The following NID2 variants were observed in gnomAD, a reference collection of about 807,000 sequenced individuals.
NID2 encodes nidogen 2.
NID2 carries 83 observed loss-of-function variants against 145.4 expected under a neutral mutation model. The ratio of observed to expected loss-of-function variants is 0.57; its 90% CI spans 0.48 to 0.69. The LOEUF (loss-of-function observed/expected upper bound fraction) is 0.69. Among genes scored for constraint, NID2 ranks in the 30% least tolerant of loss-of-function variants. The probability of loss-of-function intolerance (pLI) is 0.00; values close to 1 mark genes in which losing one functional copy is unlikely to be tolerated. For missense variants in NID2, 1,807 were observed against 1,765.7 expected (o/e 1.02, Z -0.42); for synonymous variants, 739 against 701.3 (o/e 1.05, Z -0.85).
At position 52,067,899 on chromosome 14, in the gene NID2, C is replaced by A. The variant is rs374206051; in HGVS notation, c.493G>T (p.Ala165Ser). The change falls in exon 2 of 22, where the codon GCT becomes TCT. Residue 165 changes from alanine to serine, a missense_variant. Coordinates refer to ENST00000216286, the MANE Select transcript of NID2 (RefSeq NM_007361.4). Reference sequence around the variant, plus strand: ...GCCCCGCGCTTGACCTCCTCGTAAGCGCCTACCTGCTCCCAGGTGGCCAGG... The same window carrying A: ...GCCCCGCGCTTGACCTCCTCGTAAGAGCCTACCTGCTCCCAGGTGGCCAGG... ...AFLATWEQVG[A>S]YEEVKRGALP... 4 of 1,612,878 alleles carry A rather than the reference C, an allele frequency of 2.5e-6. No individual in the cohort carries two copies. The highest frequency in any genetic ancestry group is 3.4e-6 in the Non-Finnish European group (4 of 1,179,930).
At chr14:52,065,089 C>T (rs1893141334) in intron 2 of NID2, among the ~76,000 whole-genome samples, 1 of 140,720 alleles carries the variant, frequency 7.1e-6, no homozygotes, top group African/African-American at 2.8e-5. Flanking sequence ...TATTTGTTCA[C>T]ATTTTTTTTT....
At chr14:52,030,829 T>A (rs963155379) in intron 9 of NID2, among the ~76,000 whole-genome samples, 3 of 152,132 alleles carry the variant, frequency 2.0e-5, no homozygotes. Flanking sequence ...CCAGCCTAGG[T>A]GACAGAACAG....
chr14:52,055,930 C>CTTGTGTGTGT (rs1555365950), intron 3 of NID2, among the ~76,000 whole-genome samples: 47,704 of 148,648 alleles, frequency 0.32, 8,247 homozygotes, highest in East Asian at 0.52. Context: ...ATGTCTTTCT[C>CTTGTGTGTGT]TTGTGTGTGT....
At chr14:52,063,390 A>G (rs889287257) in intron 2 of NID2, among the ~76,000 whole-genome samples, 10 of 152,198 alleles carry the variant, frequency 6.6e-5, no homozygotes, top group African/African-American at 2.4e-4. Flanking sequence ...TATCAGAAAG[A>G]GAGAAAAGCC....
At chr14:52,025,665 T>C (rs1051271469) in intron 12 of NID2, among the ~76,000 whole-genome samples, 1 of 152,158 alleles carries the variant, frequency 6.6e-6, no homozygotes, top group African/African-American at 2.4e-5. Context: ...GGACATCACA[T>C]GGTGAGGGGG....
intron 6 of NID2, among the ~76,000 whole-genome samples, 183 bp from the exon 7 acceptor site, chr14:52,042,533 C>T (rs1490373553): frequency 1.9e-5 from 1 of 51,790 alleles, no homozygotes; most frequent in Admixed American, 1.8e-4. Context: ...TTTCTCCCCT[C>T]CTCCTTCTAC....
At chr14:52,041,307 T>G (rs1459790242) in intron 7 of NID2, among the ~76,000 whole-genome samples, 6 of 152,176 alleles carry the variant, frequency 3.9e-5, no homozygotes, top group African/African-American at 1.4e-4. Flanking sequence ...AAATACAAAT[T>G]TATCCAGGTG....
intron 3 of NID2, among the ~76,000 whole-genome samples, chr14:52,058,819 CCT>C (rs1892935643): frequency 6.6e-6 from 1 of 151,876 alleles, no homozygotes; most frequent in Non-Finnish European, 1.5e-5. Context: ...GCCATTGTGA[CCT>C]CTCTATAATA....
chr14:52,014,785 C>T (rs531129051), intron 15 of NID2, among the ~76,000 whole-genome samples: 1 of 152,026 alleles, frequency 6.6e-6, no homozygotes, highest in African/African-American at 2.4e-5. Flanking sequence ...ACACGTGTCC[C>T]CTGTCACCCT....
At chr14:52,019,419 T>C in intron 13 of NID2, 125 bp from the exon 14 acceptor site, 1 of 668,706 alleles carries the variant, frequency 1.5e-6, no homozygotes. Flanking sequence ...ATTCTTATTT[T>C]ATAATACCTT....
At chr14:52,058,398 G>T (rs893302472) in intron 3 of NID2, among the ~76,000 whole-genome samples, 1 of 152,150 alleles carries the variant, frequency 6.6e-6, no homozygotes, top group Non-Finnish European at 1.5e-5. Flanking sequence ...TGCATTGCTT[G>T]TACTTTATTA....
At position 52,040,799 on chromosome 14, in the gene NID2, C is replaced by A. The variant is rs200315854; in HGVS notation, c.1878G>T (p.Thr626=). 1.9e-5 allele frequency: 30 copies of A among 1,614,014 alleles called. No individual in the cohort carries two copies. The Admixed American group carries it at 2.2e-4, about 12-fold the overall frequency. ...CCTCAGCAGTTTGAGTGATACGAAC[C>A]GTCTCCTCTCCCGGGTAGAATGTAA... ...MEVTFYPGEE[T]VRITQTAEGL... The change falls in exon 8 of 22, where the codon ACG becomes ACT. Residue 626 remains threonine, a synonymous_variant. Coordinates refer to ENST00000216286, the MANE Select transcript of NID2 (RefSeq NM_007361.4).
chr14:52,061,813 A>T (rs1649119343), intron 2 of NID2, among the ~76,000 whole-genome samples: 1 of 152,208 alleles, frequency 6.6e-6, no homozygotes, highest in Non-Finnish European at 1.5e-5. Context: ...ACAGTGCTTG[A>T]TTCTCAAAAA....
At chr14:52,038,585 G>A (rs1398863981) in intron 9 of NID2, among the ~76,000 whole-genome samples, 162 bp downstream of exon 9, 1 of 151,998 alleles carries the variant, frequency 6.6e-6, no homozygotes, top group African/African-American at 2.4e-5. Flanking sequence ...ACTCTTTTCT[G>A]CCTCTGTTTC....
chr14:52,068,520 C>T (rs550786432), intron 1 of NID2, among the ~76,000 whole-genome samples: 2 of 152,360 alleles, frequency 1.3e-5, no homozygotes, highest in East Asian at 1.9e-4. Context: ...GCCCTAGCAA[C>T]GCCACCTTTT....
chr14:52,029,876 C>T (rs1035417127), intron 9 of NID2, among the ~76,000 whole-genome samples, 186 bp from the exon 10 acceptor site: 8 of 151,284 alleles, frequency 5.3e-5, no homozygotes, highest in Non-Finnish European at 8.9e-5. Context: ...TCCAGCATGG[C>T]TTCCTATTGC....
intron 12 of NID2, among the ~76,000 whole-genome samples, chr14:52,020,429 A>G (rs1410139690): frequency 6.6e-6 from 1 of 152,200 alleles, no homozygotes; most frequent in African/African-American, 2.4e-5. Context: ...TCAAATGGGT[A>G]GTCGCTCACA....
At chr14:52,014,700 G>A (rs1891154119) in intron 15 of NID2, among the ~76,000 whole-genome samples, 1 of 151,010 alleles carries the variant, frequency 6.6e-6, no homozygotes, top group South Asian at 2.1e-4. Context: ...GAACAAAGCA[G>A]AACAGATTTT....
At chr14:52,006,028 C>G (rs535355664) in intron 20 of NID2, 179 bp from the exon 21 acceptor site, 24 of 589,244 alleles carry the variant, frequency 4.1e-5, no homozygotes, top group African/African-American at 9.3e-5. Context: ...TTGCTCATCT[C>G]TAGCTGCATG....
Sources: allele counts gnomAD v4.1 joint callset (sites outside exome capture counted in the v4.1 genomes callset), GRCh38; gene constraint gnomAD v4.1.1; transcripts MANE v1.5; gene names NCBI Gene and HGNC (gene_info 2026-07-23, HGNC 2026-07-21).